The following COL5A2 variants were observed in gnomAD, a reference collection of about 807,000 sequenced individuals.
COL5A2 encodes collagen type V alpha 2 chain, also known as collagen alpha-2(V) chain.
Under a neutral mutation model 208.2 loss-of-function variants are expected in COL5A2, and 23 were observed. The observed-to-expected ratio is 0.11, with a 90% confidence interval of 0.08 to 0.16. The LOEUF is 0.16. COL5A2 is among the 10% of genes least tolerant of loss of function. The probability of loss-of-function intolerance (pLI) is 1.00; values close to 1 mark genes in which losing one functional copy is unlikely to be tolerated. For missense variants in COL5A2, 1,590 were observed against 1,956.4 expected, an observed-to-expected ratio of 0.81 and a Z score of 3.53; for synonymous variants, 625 against 628.5, an observed-to-expected ratio of 0.99 and a Z score of 0.08.
At chr2:189,041,740 T>G in intron 49 of COL5A2, 47 bp from the exon 50 acceptor site, 1 of 1,216,026 alleles carries the variant, frequency 8.2e-7, no homozygotes, top group Non-Finnish European at 1.2e-6. Context: ...AGGAAAAATT[T>G]TACAATGCCT....
At chr2:189,100,050 T>C (rs1687016533) in intron 4 of COL5A2, 57 bp downstream of exon 4, 5 of 1,389,366 alleles carry the variant, frequency 3.6e-6, no homozygotes, top group Non-Finnish European at 5.1e-6. Context: ...TATACAATTA[T>C]ACTATAAGCT....
chr2:189,139,763 G>C (rs1272467175), intron 1 of COL5A2, among the ~76,000 whole-genome samples: 1 of 152,162 alleles, frequency 6.6e-6, no homozygotes, highest in Non-Finnish European at 1.5e-5. Context: ...TCTAAAATTA[G>C]AAAGTATATT....
intron 12 of COL5A2, among the ~76,000 whole-genome samples, chr2:189,082,692 T>C (rs1488733961): frequency 1.3e-5 from 2 of 152,198 alleles, no homozygotes; most frequent in Non-Finnish European, 2.9e-5. Flanking sequence ...CCCAGGACTG[T>C]CATTACAGTG....
At chr2:189,234,335 T>C in the COL5A2 span, among the ~76,000 whole-genome samples, 2 of 151,760 alleles carry the variant, frequency 1.3e-5, no homozygotes, top group East Asian at 3.9e-4. Context: ...TTCCCTTTTA[T>C]TAGATTCATT....
the COL5A2 span, among the ~76,000 whole-genome samples, chr2:189,370,764 T>A: frequency 6.6e-6 from 1 of 152,136 alleles, no homozygotes; most frequent in Non-Finnish European, 1.5e-5. Flanking sequence ...TTATTCAGTA[T>A]CTGAAATTAT....
At chr2:189,290,607 T>A in the COL5A2 span, among the ~76,000 whole-genome samples, 1 of 151,946 alleles carries the variant, frequency 6.6e-6, no homozygotes, top group Non-Finnish European at 1.5e-5. Flanking sequence ...AAGGGGTGAA[T>A]TTGCCATGAA....
At chr2:189,177,944 T>C (rs1688707209) in intron 1 of COL5A2, among the ~76,000 whole-genome samples, 1 of 152,226 alleles carries the variant, frequency 6.6e-6, no homozygotes, top group South Asian at 2.1e-4. Context: ...AAAGTGGTAT[T>C]AAAGGTTTTA....
intron 1 of COL5A2, among the ~76,000 whole-genome samples, chr2:189,204,868 G>A (rs918780042): frequency 1.3e-5 from 2 of 152,108 alleles, no homozygotes; most frequent in African/African-American, 2.4e-5. Flanking sequence ...GAATACCTGC[G>A]ATTTATTTGT....
At chr2:189,375,005 T>C in the COL5A2 span, among the ~76,000 whole-genome samples, 1 of 151,868 alleles carries the variant, frequency 6.6e-6, no homozygotes, top group Admixed American at 6.6e-5. Flanking sequence ...AAATCGAATA[T>C]TTATATTTTT....
the COL5A2 span, among the ~76,000 whole-genome samples, chr2:189,310,791 G>T: frequency 6.6e-6 from 1 of 152,074 alleles, no homozygotes; most frequent in Non-Finnish European, 1.5e-5. Context: ...GATGGAACTG[G>T]AGATCATTAT....
At chr2:189,376,272 A>G in the COL5A2 span, among the ~76,000 whole-genome samples, 2 of 152,326 alleles carry the variant, frequency 1.3e-5, no homozygotes, top group South Asian at 2.1e-4. Context: ...CTCACTATCA[A>G]TAATGAAAAA....
chr2:189,053,347 C>A (rs575022803), intron 38 of COL5A2, 77 bp downstream of exon 38: 1 of 1,305,262 alleles, frequency 7.7e-7, no homozygotes, highest in African/African-American at 1.5e-5. Flanking sequence ...GACTTCAAAA[C>A]ATATGACAAT....
chr2:189,252,758 A>AAT, the COL5A2 span, among the ~76,000 whole-genome samples: 3 of 151,110 alleles, frequency 2.0e-5, no homozygotes, highest in Middle Eastern at 3.4e-3. Context: ...AAAGTATAAT[A>AAT]AAAAATAAAT....
At chr2:189,065,169 C>T in intron 23 of COL5A2, 112 bp from the exon 24 acceptor site, 3 of 945,158 alleles carry the variant, frequency 3.2e-6, no homozygotes, top group Non-Finnish European at 5.0e-6. Context: ...ATCATCAAGC[C>T]AACATGGCTA....
At chr2:189,431,351 G>T in the COL5A2 span, among the ~76,000 whole-genome samples, 1 of 152,150 alleles carries the variant, frequency 6.6e-6, no homozygotes. Flanking sequence ...ACTTTGATGA[G>T]TCGACAAAAG....
At chr2:189,261,661 C>G in the COL5A2 span, among the ~76,000 whole-genome samples, 1 of 152,328 alleles carries the variant, frequency 6.6e-6, no homozygotes, top group East Asian at 1.9e-4. Context: ...GTTCTTTCAA[C>G]TTGTAATACG....
At chr2:189,045,101 G>T in intron 47 of COL5A2, 78 bp downstream of exon 47, 7 of 940,268 alleles carry the variant, frequency 7.4e-6, no homozygotes, top group East Asian at 5.5e-5. Context: ...TTTCAGTTAT[G>T]AATCTTAAAT....
At chr2:189,052,697 TA>T in intron 40 of COL5A2, 51 bp downstream of exon 40, 3 of 1,529,528 alleles carry the variant, frequency 2.0e-6, no homozygotes, top group Non-Finnish European at 2.7e-6. Flanking sequence ...CAGGAAGCAC[TA>T]GGTAACTAGA....
At chr2:189,355,337 T>C in the COL5A2 span, among the ~76,000 whole-genome samples, 253 of 152,272 alleles carry the variant, frequency 1.7e-3, 1 homozygote, top group African/African-American at 5.7e-3. Context: ...AATATCCTTG[T>C]TAATTTTCTG....
Sources: gnomAD v4.1 joint callset for allele counts (sites outside exome capture counted in the v4.1 genomes callset) on GRCh38, gnomAD v4.1.1 for gene constraint, MANE v1.5 for transcripts, NCBI Gene and HGNC (gene_info 2026-07-23, HGNC 2026-07-21) for gene names.